The following SRI variants were observed in gnomAD, a reference collection of about 807,000 sequenced individuals.
SRI encodes sorcin.
A neutral mutation model predicts 33.3 loss-of-function variants in SRI; 30 were observed. That is an observed-to-expected ratio of 0.90 (90% confidence interval 0.67 to 1.22). The LOEUF is 1.22. Ranked by LOEUF, SRI falls within the 50% of genes most tolerant of loss-of-function variation. The pLI is 0.00. For synonymous variants in SRI, 75 were observed against 89.9 expected, an observed-to-expected ratio of 0.83 and a Z score of 0.94; for missense variants, 243 against 250.8, an observed-to-expected ratio of 0.97 and a Z score of 0.21.
intron 6 of SRI, 73 bp downstream of exon 6, chr7:88,209,266 A>C (rs1404025361): frequency 1.6e-6 from 2 of 1,234,734 alleles, no homozygotes; most frequent in Admixed American, 2.1e-5. Context: ...AAAAGTTGAG[A>C]AGCACTGAGA....
chr7:88,226,372 G>C (rs1440609406), intron 1 of SRI, among the ~76,000 whole-genome samples: 1 of 152,114 alleles, frequency 6.6e-6, no homozygotes, highest in African/African-American at 2.4e-5. Context: ...TCGCATCTCA[G>C]TCCCTTTATC....
At chr7:88,218,000 C>A (rs1851776091) in intron 2 of SRI, among the ~76,000 whole-genome samples, 1 of 152,186 alleles carries the variant, frequency 6.6e-6, no homozygotes, top group Non-Finnish European at 1.5e-5. Context: ...TCTTAGAGTA[C>A]TACCTTAAAA....
intron 1 of SRI, 154 bp from the exon 2 acceptor site, chr7:88,219,096 A>C: frequency 2.9e-6 from 2 of 685,536 alleles, no homozygotes; most frequent in Non-Finnish European, 5.3e-6. Context: ...CCAACACTCC[A>C]CCCCTCTCTT....
At chr7:88,214,265 G>T (rs913384493) in intron 3 of SRI, among the ~76,000 whole-genome samples, 3 of 152,310 alleles carry the variant, frequency 2.0e-5, no homozygotes, top group African/African-American at 7.2e-5. Context: ...CCTAGGACAG[G>T]CAAAGCGTAA....
chr7:88,225,288 A>G (rs1851972011), intron 1 of SRI, among the ~76,000 whole-genome samples: 1 of 152,212 alleles, frequency 6.6e-6, no homozygotes, highest in African/African-American at 2.4e-5. Context: ...ATATATGTGT[A>G]TGTATGTATA....
rs756538045 is a variant in SRI, at chr7:88,209,233, G to C, written c.511+106C>G. On this transcript the variant is annotated intron_variant, in intron 6 of 7. Coordinates refer to ENST00000265729, the MANE Select transcript of SRI (RefSeq NM_003130.4). ...TAGTAATCTGAAAAAAACTACTAAA[G>C]CAAGAAAAAATTTGGGAAGAATAAA... The C allele has an allele frequency of 4.2e-6, 4 of 957,188 alleles. No individual in the cohort carries two copies. In the African/African-American group the frequency reaches 6.6e-5, roughly 16 times the overall value. The allele number at this position is 957,188 out of a possible 1,614,324, so 59.3% of individuals were successfully genotyped here. A position where few individuals can be genotyped will look rare whatever the true frequency, so the allele number is the denominator to read the frequency against.
upstream of SRI, among the ~76,000 whole-genome samples, chr7:88,220,677 A>T (rs1298447426): frequency 1.3e-5 from 2 of 152,206 alleles, no homozygotes; most frequent in African/African-American, 4.8e-5. Context: ...GTTTAAGCTG[A>T]GCGTGACTTG....
chr7:88,221,502 T>C (rs1400854145), upstream of SRI, among the ~76,000 whole-genome samples: 1 of 152,168 alleles, frequency 6.6e-6, no homozygotes, highest in Non-Finnish European at 1.5e-5. Context: ...TAACCGACTA[T>C]AAAGAGTAGA....
upstream of SRI, among the ~76,000 whole-genome samples, chr7:88,224,068 G>A (rs1298588717): frequency 6.6e-6 from 1 of 152,182 alleles, no homozygotes; most frequent in Non-Finnish European, 1.5e-5. Context: ...GTTTACAGAA[G>A]AAAAGACCAA....
At chr7:88,207,445 T>C (rs1851461314) in intron 7 of SRI, among the ~76,000 whole-genome samples, 1 of 152,224 alleles carries the variant, frequency 6.6e-6, no homozygotes, top group Non-Finnish European at 1.5e-5. Context: ...TACATGCATC[T>C]TATATTTTGT....
chr7:88,219,680 C>T (rs1188540629), intron 1 of SRI, among the ~76,000 whole-genome samples: 1 of 152,064 alleles, frequency 6.6e-6, no homozygotes, highest in Non-Finnish European at 1.5e-5. Context: ...AGCCAACACC[C>T]AATTAACACG....
chr7:88,220,001 G>A lies in SRI; in HGVS notation c.26C>T (p.Ala9Val). MAYPGHPG[A>V]GGGYYPGGYG... ...CCCGCCTGGGTAGTACCCGCCGCCG[G>A]CGCCAGGATGCCCCGGGTACGCCAT... The change falls in exon 1 of 8, where the codon GCC becomes GTC. Residue 9 changes from alanine (A) to valine (V), a missense_variant. Transcript: ENST00000265729. 6.5e-7 allele frequency: 1 copy of A among 1,536,114 alleles called. No individual in the cohort carries two copies. The highest frequency in any genetic ancestry group is 8.7e-7 in the Non-Finnish European group (1 of 1,145,954).
At chr7:88,208,695 A>G (rs1437316530) in intron 6 of SRI, 130 bp from the exon 7 acceptor site, 1 of 1,397,598 alleles carries the variant, frequency 7.2e-7, no homozygotes, top group Non-Finnish European at 9.8e-7. Context: ...TAACATAAAC[A>G]AAAGACCAAA....
chr7:88,226,245 C>A (rs1157841313), intron 1 of SRI, among the ~76,000 whole-genome samples: 7 of 152,138 alleles, frequency 4.6e-5, no homozygotes, highest in Non-Finnish European at 8.8e-5. Flanking sequence ...CTCAGGCAAG[C>A]CCTCGAAAGT....
intron 2 of SRI, 123 bp from the exon 3 acceptor site, chr7:88,217,314 GC>G (rs1475993758): frequency 1.4e-5 from 12 of 830,962 alleles, no homozygotes; most frequent in African/African-American, 5.2e-5. Context: ...TAAAAGGAAT[GC>G]CTTTTTTTTA....
At chr7:88,206,555 A>G in intron 7 of SRI, 51 bp from the exon 8 acceptor site, 2 of 1,607,476 alleles carry the variant, frequency 1.2e-6, no homozygotes, top group Non-Finnish European at 8.5e-7. Flanking sequence ...CTTATACGGC[A>G]CAGCCTATTT....
upstream of SRI, chr7:88,220,057 C>T (rs762502724): frequency 1.3e-6 from 2 of 1,515,408 alleles, no homozygotes; most frequent in Admixed American, 2.0e-5. Context: ...CGCCCTCGCC[C>T]TGTGCGCCAG....
upstream of SRI, among the ~76,000 whole-genome samples, chr7:88,222,267 A>G (rs1229244457): frequency 6.6e-6 from 1 of 150,402 alleles, no homozygotes; most frequent in African/African-American, 2.5e-5. Flanking sequence ...CGCCACACTG[A>G]CTTCCACAAT....
intron 1 of SRI, chr7:88,219,617 G>C: frequency 3.2e-6 from 1 of 310,094 alleles, no homozygotes; most frequent in Non-Finnish European, 5.5e-6. Context: ...TAAAATGACT[G>C]TTGTTGCTCT....
Sources: gnomAD v4.1 joint callset for allele counts (sites outside exome capture counted in the v4.1 genomes callset) on GRCh38, gnomAD v4.1.1 for gene constraint, MANE v1.5 for transcripts, NCBI Gene and HGNC (gene_info 2026-07-23, HGNC 2026-07-21) for gene names.